BRMS1L: variants seen among roughly 807,000 people sequenced by gnomAD.
BRMS1L encodes the protein breast cancer metastasis-suppressor 1-like protein.
BRMS1L carries 23 observed loss-of-function variants against 50.3 expected under a neutral mutation model. That is an observed-to-expected ratio of 0.46 (90% confidence interval 0.33 to 0.65). The LOEUF (loss-of-function observed/expected upper bound fraction) is 0.65. Ranked by LOEUF, BRMS1L falls within the 30% of genes least tolerant of loss-of-function variation. The probability of loss-of-function intolerance (pLI) is 0.02; values close to 1 mark genes in which losing one functional copy is unlikely to be tolerated. For missense variants in BRMS1L, 286 were observed against 386.1 expected, an observed-to-expected ratio of 0.74 and a Z score of 2.17; for synonymous variants, 114 against 126.9, an observed-to-expected ratio of 0.90 and a Z score of 0.69.
chr14:35,864,837 G>T (rs535008987), intron 6 of BRMS1L, 98 bp from the exon 7 acceptor site: 20 of 866,946 alleles, frequency 2.3e-5, no homozygotes, highest in Middle Eastern at 5.7e-4. Flanking sequence ...AAAGCATTAT[G>T]CTCATAAATC....
At chr14:35,842,943 A>G (rs1250482916) in intron 4 of BRMS1L, among the ~76,000 whole-genome samples, 3 of 152,104 alleles carry the variant, frequency 2.0e-5, no homozygotes, top group African/African-American at 7.2e-5. Flanking sequence ...TCAATCTCTG[A>G]TATCCTTTCT....
chr14:35,864,854 C>A (rs1245219250), intron 6 of BRMS1L, 81 bp from the exon 7 acceptor site: 2 of 1,002,452 alleles, frequency 2.0e-6, no homozygotes, highest in African/African-American at 1.7e-5. Flanking sequence ...AATCATCGTT[C>A]CATTTTCTGA....
chr14:35,857,400 A>G (rs1316096130), intron 4 of BRMS1L, among the ~76,000 whole-genome samples: 2 of 151,718 alleles, frequency 1.3e-5, no homozygotes, highest in African/African-American at 4.8e-5. Context: ...CTTCTGTCCT[A>G]TTTTTAAATT....
chr14:35,857,274 C>CAT (rs1251693061), intron 4 of BRMS1L, among the ~76,000 whole-genome samples: 109 of 143,908 alleles, frequency 7.6e-4, no homozygotes, highest in East Asian at 2.2e-3. Flanking sequence ...TGTATATATA[C>CAT]ATATATATGT....
intron 9 of BRMS1L, 102 bp from the exon 10 acceptor site, chr14:35,870,258 C>CT: frequency 1.5e-6 from 1 of 662,220 alleles, no homozygotes. Flanking sequence ...CCTGAGTCTA[C>CT]TGTTGTAGGC....
chr14:35,834,939 A>G lies in BRMS1L; in HGVS notation c.441+16A>G, dbSNP rs768577531. 4 of 1,573,808 alleles carry G rather than the reference A, an allele frequency of 2.5e-6. No homozygotes were observed. The highest frequency in any genetic ancestry group is 3.4e-6 in the Non-Finnish European group (4 of 1,160,458). On this transcript the variant is annotated intron_variant, in intron 4 of 9. Coordinates refer to ENST00000216807, the MANE Select transcript of BRMS1L (RefSeq NM_032352.4). ...GCATTGTGAGGTACTGTCATTTTGCATAACTTTTAAGCTAATTTCATCTCT... is the reference window on the plus strand; with the variant it reads ...GCATTGTGAGGTACTGTCATTTTGCGTAACTTTTAAGCTAATTTCATCTCT...
chr14:35,834,707 A>G (rs376540825), intron 3 of BRMS1L, 137 bp from the exon 4 acceptor site: 5 of 444,180 alleles, frequency 1.1e-5, no homozygotes, highest in African/African-American at 1.0e-4. Flanking sequence ...TTTAGTCTTT[A>G]AAGACAAAGT....
At chr14:35,838,609 T>C (rs1202901047) in intron 4 of BRMS1L, among the ~76,000 whole-genome samples, 3 of 152,256 alleles carry the variant, frequency 2.0e-5, no homozygotes, top group Non-Finnish European at 1.5e-5. Flanking sequence ...TTGATTTGCA[T>C]GTCTCTAATG....
intron 4 of BRMS1L, among the ~76,000 whole-genome samples, chr14:35,840,603 T>C (rs1376437751): frequency 6.6e-6 from 1 of 152,128 alleles, no homozygotes; most frequent in African/African-American, 2.4e-5. Flanking sequence ...GTTGGGAAGG[T>C]GTGTGTGTTC....
At chr14:35,870,299 T>C (rs765512554) in intron 9 of BRMS1L, 61 bp from the exon 10 acceptor site, 16 of 1,067,024 alleles carry the variant, frequency 1.5e-5, no homozygotes, top group Non-Finnish European at 2.2e-5. Flanking sequence ...TAGGTAATAA[T>C]CTAAAGTGAA....
chr14:35,858,130 T>TC (rs1418209566), intron 4 of BRMS1L, among the ~76,000 whole-genome samples: 1 of 152,184 alleles, frequency 6.6e-6, no homozygotes, highest in Non-Finnish European at 1.5e-5. Flanking sequence ...GTAAACAGTG[T>TC]CTTCTGATGA....
chr14:35,856,753 A>C lies in BRMS1L; in HGVS notation c.442-5837A>C, dbSNP rs117446696. ...CAACGTCCTGAGTAGCTGGGATTAC[A>C]GCAGGCATCTGCCACCACACTGGCT... On this transcript the variant is annotated intron_variant, in intron 4 of 9. Coordinates refer to ENST00000216807, the MANE Select transcript of BRMS1L (RefSeq NM_032352.4). Among the ~76,000 whole-genome samples, 830 of 152,104 alleles carry C rather than the reference A, an allele frequency of 5.5e-3. 5 individuals are homozygous for C. Among genetic ancestry groups the C allele is most frequent in the Admixed American group, 9.0e-3 (138 of 15,256 alleles).
At chr14:35,842,184 T>C (rs1034361180) in intron 4 of BRMS1L, among the ~76,000 whole-genome samples, 2 of 152,178 alleles carry the variant, frequency 1.3e-5, no homozygotes, top group African/African-American at 4.8e-5. Context: ...ACATTTAAGG[T>C]TAATATTGTT....
At chr14:35,852,990 GTATCTATC>G (rs72342569) in intron 4 of BRMS1L, among the ~76,000 whole-genome samples, 7 of 148,842 alleles carry the variant, frequency 4.7e-5, no homozygotes, top group South Asian at 2.1e-4. Flanking sequence ...CTTTATATCT[GTATCTATC>G]TATCTATCTA....
In BRMS1L at chr14:35,870,902, A is replaced by C. The variant is rs1162864705; in HGVS notation, c.*425A>C. ...ATGTTTCCTATAAATGGTTTGTACT[A>C]GTACATTAGTGTTAAACCAGAACTG... On this transcript the variant is annotated 3_prime_UTR_variant, in exon 10 of 10. Transcript: ENST00000216807. 1 of 154,534 alleles carries C rather than the reference A, an allele frequency of 6.5e-6. No individual in the cohort carries two copies. Among genetic ancestry groups the C allele is most frequent in the Non-Finnish European group, 1.4e-5 (1 of 69,598 alleles). The allele number at this position is 154,534 out of a possible 1,614,324, so 9.6% of individuals were successfully genotyped here.
intron 8 of BRMS1L, among the ~76,000 whole-genome samples, chr14:35,866,270 C>T (rs866195344): frequency 6.6e-6 from 1 of 152,100 alleles, no homozygotes. Context: ...TCTGTTTCTG[C>T]CTTCTTTCAC....
At chr14:35,857,794 A>G (rs1251115625) in intron 4 of BRMS1L, among the ~76,000 whole-genome samples, 2 of 150,994 alleles carry the variant, frequency 1.3e-5, no homozygotes, top group Admixed American at 6.6e-5. Context: ...TTTCTTGTGT[A>G]TTTTTTTAAA....
At chr14:35,846,962 T>C (rs1482188337) in intron 4 of BRMS1L, among the ~76,000 whole-genome samples, 1 of 151,922 alleles carries the variant, frequency 6.6e-6, no homozygotes, top group Non-Finnish European at 1.5e-5. Flanking sequence ...TTTATATTGC[T>C]GTTTTTTTAA....
At chr14:35,835,015 T>A in intron 4 of BRMS1L, 92 bp downstream of exon 4, 1 of 734,674 alleles carries the variant, frequency 1.4e-6, no homozygotes, top group African/African-American at 1.8e-5. Context: ...AGTAAAACAA[T>A]ATTAAATAGT....
Sources: gnomAD v4.1 joint callset for allele counts (sites outside exome capture counted in the v4.1 genomes callset) on GRCh38, gnomAD v4.1.1 for gene constraint, MANE v1.5 for transcripts, NCBI Gene and HGNC (gene_info 2026-07-23, HGNC 2026-07-21) for gene names.